The following HYCC2 variants were observed in gnomAD, a reference collection of about 807,000 sequenced individuals.
The protein encoded by HYCC2 is hyccin 2.
the HYCC2 span, chr2:201,023,886 T>G: frequency 9.7e-6 from 11 of 1,134,438 alleles, no homozygotes; most frequent in African/African-American, 7.6e-5. Context: ...TGTTTCTCCA[T>G]AGAGCACATA....
the HYCC2 span, chr2:200,978,006 C>T: frequency 6.6e-6 from 1 of 152,098 alleles, no homozygotes; most frequent in Non-Finnish European, 1.5e-5. Context: ...TGTTTTATTA[C>T]AGAAAACAAG....
the HYCC2 span, among the ~76,000 whole-genome samples, chr2:201,048,889 G>C: frequency 6.6e-6 from 1 of 151,938 alleles, no homozygotes; most frequent in Non-Finnish European, 1.5e-5. Flanking sequence ...AGCATTTTGG[G>C]AGGCTTGAGC....
chr2:201,043,445 A>G, the HYCC2 span, among the ~76,000 whole-genome samples: 16 of 150,856 alleles, frequency 1.1e-4, no homozygotes, highest in South Asian at 8.3e-4. Context: ...AAAAAAAAAA[A>G]AAAAGAAAGA....
the HYCC2 span, among the ~76,000 whole-genome samples, chr2:201,048,653 C>T: frequency 1.3e-5 from 2 of 151,716 alleles, no homozygotes; most frequent in Admixed American, 1.3e-4. Context: ...TAGTAAAAGA[C>T]GAATTTTGTC....
the HYCC2 span, among the ~76,000 whole-genome samples, chr2:200,983,011 G>A: frequency 1.3e-5 from 2 of 152,310 alleles, no homozygotes; most frequent in Non-Finnish European, 2.9e-5. Flanking sequence ...GCCCACCTCA[G>A]CCTCCCAAAG....
chr2:201,061,925 G>C, the HYCC2 span, among the ~76,000 whole-genome samples: 1 of 151,856 alleles, frequency 6.6e-6, no homozygotes, highest in African/African-American at 2.4e-5. Flanking sequence ...GAGCAACAAA[G>C]CAAGACTTCG....
chr2:200,999,479 A>G, the HYCC2 span, among the ~76,000 whole-genome samples: 1 of 151,156 alleles, frequency 6.6e-6, no homozygotes, highest in Non-Finnish European at 1.5e-5. Context: ...TCCGCCTCCC[A>G]GGTTCAAGCC....
chr2:200,980,983 C>T, the HYCC2 span: 6 of 450,534 alleles, frequency 1.3e-5, no homozygotes, highest in South Asian at 2.3e-5. Flanking sequence ...GATCAGCCTA[C>T]GATGGATTGC....
chr2:201,050,982 T>C, the HYCC2 span, among the ~76,000 whole-genome samples: 1 of 152,094 alleles, frequency 6.6e-6, no homozygotes, highest in South Asian at 2.1e-4. Context: ...ATAACAAAAA[T>C]TAACACAGAC....
At chr2:201,037,587 A>G in the HYCC2 span, among the ~76,000 whole-genome samples, 1 of 152,196 alleles carries the variant, frequency 6.6e-6, no homozygotes, top group Non-Finnish European at 1.5e-5. Context: ...AAATAATGCC[A>G]CATATCTACA....
the HYCC2 span, chr2:201,063,787 T>G: frequency 1.9e-6 from 3 of 1,590,968 alleles, no homozygotes; most frequent in Non-Finnish European, 2.6e-6. Flanking sequence ...GCAGCCGTGG[T>G]GGTGGTGGAT....
At chr2:200,976,009 T>G in the HYCC2 span, 2 of 152,134 alleles carry the variant, frequency 1.3e-5, no homozygotes, top group Non-Finnish European at 2.9e-5. Flanking sequence ...ACTCATAATT[T>G]TATTAGCATT....
chr2:201,050,804 G>A, the HYCC2 span, among the ~76,000 whole-genome samples: 6 of 151,528 alleles, frequency 4.0e-5, no homozygotes, highest in Non-Finnish European at 8.8e-5. Context: ...GTGTGGTGGT[G>A]GGTGCCTGTA....
At chr2:200,984,671 G>A in the HYCC2 span, among the ~76,000 whole-genome samples, 1 of 152,190 alleles carries the variant, frequency 6.6e-6, no homozygotes, top group Non-Finnish European at 1.5e-5. Context: ...GATCCCTTGA[G>A]TTGAGGAGTT....
the HYCC2 span, among the ~76,000 whole-genome samples, chr2:201,024,855 C>T: frequency 1.1e-4 from 17 of 152,114 alleles, no homozygotes; most frequent in Non-Finnish European, 2.2e-4. Context: ...GTGGCTCATG[C>T]CTGCAATCCC....
At chr2:201,006,959 G>A in the HYCC2 span, among the ~76,000 whole-genome samples, 1 of 152,214 alleles carries the variant, frequency 6.6e-6, no homozygotes, top group African/African-American at 2.4e-5. Flanking sequence ...ATAAAGAAGA[G>A]GGGTGAGGTA....
the HYCC2 span, chr2:200,997,469 T>A: frequency 1.9e-6 from 3 of 1,611,636 alleles, no homozygotes; most frequent in Non-Finnish European, 2.5e-6. Context: ...ACAAAGAGAT[T>A]GGTAAGATGA....
the HYCC2 span, among the ~76,000 whole-genome samples, chr2:201,003,665 C>T: frequency 1.2e-4 from 18 of 149,956 alleles, no homozygotes; most frequent in Non-Finnish European, 1.6e-4. Context: ...GCAGAGATCG[C>T]GCCACTGCAC....
At chr2:201,005,824 A>G in the HYCC2 span, among the ~76,000 whole-genome samples, 1 of 151,808 alleles carries the variant, frequency 6.6e-6, no homozygotes, top group Non-Finnish European at 1.5e-5. Flanking sequence ...TTATTTTGTT[A>G]TTTTTATTTA....
Sources: gnomAD v4.1 joint callset for allele counts (sites outside exome capture counted in the v4.1 genomes callset) on GRCh38, gnomAD v4.1.1 for gene constraint, MANE v1.5 for transcripts, NCBI Gene and HGNC (gene_info 2026-07-23, HGNC 2026-07-21) for gene names.